The following ADGRV1 variants were observed in gnomAD, a reference collection of about 807,000 sequenced individuals.
ADGRV1 encodes adhesion G protein-coupled receptor V1.
Under a neutral mutation model 596.2 loss-of-function variants are expected in ADGRV1, and 359 were observed. The observed-to-expected ratio is 0.60, with a 90% CI of 0.55 to 0.66. The LOEUF (loss-of-function observed/expected upper bound fraction) is 0.66, where lower values mean the gene tolerates loss of function less well. Among genes scored for constraint, ADGRV1 ranks in the 30% least tolerant of loss-of-function variants. The probability of loss-of-function intolerance (pLI) is 0.00; values close to 1 mark genes in which losing one functional copy is unlikely to be tolerated. For missense variants in ADGRV1, 7,274 were observed against 7,575.6 expected (o/e 0.96, Z 1.48); for synonymous variants, 2,681 against 2,679.2 (o/e 1.00, Z -0.02).
At chr5:90,702,806 G>A (rs974629960) in intron 34 of ADGRV1, among the ~76,000 whole-genome samples, 2 of 151,768 alleles carry the variant, frequency 1.3e-5, no homozygotes, top group African/African-American at 2.4e-5. Context: ...TAAGGATGTC[G>A]TCTTCTAAAT....
chr5:90,917,199 C>T (rs1277975740), intron 83 of ADGRV1, among the ~76,000 whole-genome samples: 1 of 152,048 alleles, frequency 6.6e-6, no homozygotes, highest in African/African-American at 2.4e-5. Context: ...TGGGAATTAT[C>T]GATTACTAAA....
At chr5:90,917,489 G>A (rs1266712953) in intron 83 of ADGRV1, among the ~76,000 whole-genome samples, 1 of 151,882 alleles carries the variant, frequency 6.6e-6, no homozygotes, top group African/African-American at 2.4e-5. Context: ...GCTAGCAGTG[G>A]GAATACTCAA....
intron 86 of ADGRV1, among the ~76,000 whole-genome samples, chr5:91,080,065 A>G (rs911406285): frequency 3.9e-5 from 6 of 152,162 alleles, no homozygotes; most frequent in Admixed American, 2.0e-4. Context: ...ATATATGTAC[A>G]TAATATCTGT....
At chr5:91,002,730 C>T (rs938902147) in intron 85 of ADGRV1, among the ~76,000 whole-genome samples, 4 of 151,846 alleles carry the variant, frequency 2.6e-5, no homozygotes, top group African/African-American at 9.7e-5. Flanking sequence ...GAATGAGATC[C>T]CCATGGGGCC....
chr5:91,054,402 G>C (rs1786649321), intron 85 of ADGRV1, among the ~76,000 whole-genome samples: 1 of 152,128 alleles, frequency 6.6e-6, no homozygotes, highest in South Asian at 2.1e-4. Flanking sequence ...GAAGAGGAAA[G>C]TATGGGGCAA....
intron 87 of ADGRV1, among the ~76,000 whole-genome samples, chr5:91,146,955 G>T (rs1795584752): frequency 6.6e-6 from 1 of 151,992 alleles, no homozygotes; most frequent in African/African-American, 2.4e-5. Flanking sequence ...TGAGCTCAGG[G>T]ATTCAAGACC....
At chr5:90,760,397 T>A (rs1265786195) in intron 58 of ADGRV1, among the ~76,000 whole-genome samples, 2 of 152,208 alleles carry the variant, frequency 1.3e-5, no homozygotes, top group East Asian at 3.8e-4. Context: ...GCACACAGTT[T>A]GATAGTAATG....
intron 83 of ADGRV1, among the ~76,000 whole-genome samples, chr5:90,946,060 A>G (rs1377678371): frequency 9.2e-5 from 14 of 152,192 alleles, no homozygotes; most frequent in Admixed American, 9.2e-4. Context: ...AATATGATCA[A>G]GGATTATCTT....
At chr5:90,671,807 T>C (rs1156511755) in intron 21 of ADGRV1, among the ~76,000 whole-genome samples, 1 of 152,184 alleles carries the variant, frequency 6.6e-6, no homozygotes, top group Non-Finnish European at 1.5e-5. Flanking sequence ...AGGAAGGCCT[T>C]ACTCTAAATG....
intron 83 of ADGRV1, among the ~76,000 whole-genome samples, chr5:90,891,732 T>C (rs1770842409): frequency 6.6e-6 from 1 of 151,990 alleles, no homozygotes; most frequent in African/African-American, 2.4e-5. Flanking sequence ...ATTTCTGTTT[T>C]AGATAATATC....
chr5:90,778,073 C>T, intron 62 of ADGRV1, 30 bp downstream of exon 62: 1 of 1,544,938 alleles, frequency 6.5e-7, no homozygotes, highest in South Asian at 1.2e-5. Context: ...TCTTTTATGC[C>T]CTTTACTCTC....
rs1000207279 is a variant in ADGRV1, at chr5:90,923,851, G to A, written c.17857-41564G>A. On this transcript the variant is annotated intron_variant, in intron 83 of 89. Coordinates refer to ENST00000405460, the MANE Select transcript of ADGRV1 (RefSeq NM_032119.4). ...TGTGTCCATGTGATCTCATTGTTCA[G>A]TTCCCAGCTATGAGTGAGAATATGC... is the stretch of plus-strand genomic sequence containing the variant. Among the ~76,000 whole-genome samples the A allele has an allele frequency of 2.0e-5, 3 of 147,302 alleles. No homozygotes were observed. In the East Asian group the frequency reaches 6.0e-4, roughly 30 times the overall value.
At chr5:90,634,910 A>G (rs1205383563) in intron 9 of ADGRV1, among the ~76,000 whole-genome samples, 1 of 152,150 alleles carries the variant, frequency 6.6e-6, no homozygotes, top group Non-Finnish European at 1.5e-5. Context: ...TTGGGGAATA[A>G]TAACAATTGA....
chr5:90,708,709 T>A (rs571479339), intron 38 of ADGRV1, 107 bp from the exon 39 acceptor site: 1 of 601,026 alleles, frequency 1.7e-6, no homozygotes, highest in South Asian at 3.4e-5. Context: ...GGTTGCATTT[T>A]TGTATCTTCT....
chr5:91,068,741 A>T (rs1285470571), intron 85 of ADGRV1, among the ~76,000 whole-genome samples: 2 of 152,114 alleles, frequency 1.3e-5, no homozygotes, highest in Non-Finnish European at 2.9e-5. Context: ...TGCTATTCCT[A>T]TCAAACTACC....
chr5:90,635,257 T>G lies in ADGRV1; in HGVS notation c.1983T>G (p.Ile661Met). Residue 661 changes from isoleucine (I) to methionine (M), a missense_variant, in exon 10 of 90, where the codon ATT becomes ATG. Transcript: ENST00000405460. ...GCTTTCTCAGCAATCTTCCAATTATTTTGCATGAACCAGAAGATTTTGCTG... is the reference window on the plus strand; with the variant it reads ...GCTTTCTCAGCAATCTTCCAATTATGTTGCATGAACCAGAAGATTTTGCTG... The part of the protein sequence containing the change: ...EIGFLSNLPI[I>M]LHEPEDFAAE... 1 of 1,612,644 alleles carries G rather than the reference T, an allele frequency of 6.2e-7. No homozygotes were observed. The highest frequency in any genetic ancestry group is 8.5e-7 in the Non-Finnish European group (1 of 1,179,438).
chr5:90,868,073 C>T (rs992074295), intron 83 of ADGRV1, among the ~76,000 whole-genome samples: 3 of 152,006 alleles, frequency 2.0e-5, no homozygotes, highest in Admixed American at 6.6e-5. Flanking sequence ...TCAATGCAGG[C>T]ATCTTGTTAA....
chr5:91,048,021 A>T (rs1312100130), intron 85 of ADGRV1, among the ~76,000 whole-genome samples: 3 of 152,218 alleles, frequency 2.0e-5, no homozygotes, highest in Non-Finnish European at 2.9e-5. Flanking sequence ...ACTAAGGCAT[A>T]AAGTTTATGA....
chr5:90,762,542 GT>G (rs1306580019), intron 58 of ADGRV1: 16 of 152,092 alleles, frequency 1.1e-4, no homozygotes, highest in Non-Finnish European at 2.1e-4. Flanking sequence ...GATGATATAG[GT>G]TCAATGAGAA....
Sources: gnomAD v4.1 joint callset for allele counts (sites outside exome capture counted in the v4.1 genomes callset) on GRCh38, gnomAD v4.1.1 for gene constraint, MANE v1.5 for transcripts, NCBI Gene and HGNC (gene_info 2026-07-23, HGNC 2026-07-21) for gene names.